Variants in MARCHF3 observed in about 807,000 individuals in gnomAD.
The protein encoded by MARCHF3 is E3 ubiquitin-protein ligase MARCHF3.
A neutral mutation model predicts 24.2 loss-of-function variants in MARCHF3; 13 were observed. The observed-to-expected ratio is 0.54, with a 90% confidence interval of 0.35 to 0.85. MARCHF3 has a LOEUF of 0.85. Among genes scored for constraint, MARCHF3 ranks in the 40% least tolerant of loss-of-function variants. The probability of loss-of-function intolerance (pLI) is 0.01; values close to 1 mark genes in which losing one functional copy is unlikely to be tolerated. For missense variants in MARCHF3, 276 were observed against 325.0 expected (o/e 0.85, Z 1.16); for synonymous variants, 144 against 137.3 (o/e 1.05, Z -0.34).
At chr5:126,979,484 AG>A (rs1751315453) in intron 1 of MARCHF3, among the ~76,000 whole-genome samples, 1 of 152,234 alleles carries the variant, frequency 6.6e-6, no homozygotes, top group Non-Finnish European at 1.5e-5. Context: ...AATCTTGTTA[AG>A]GGAATGAATG....
chr5:126,995,353 G>A (rs1751916083), intron 1 of MARCHF3, among the ~76,000 whole-genome samples: 2 of 152,168 alleles, frequency 1.3e-5, no homozygotes, highest in Non-Finnish European at 2.9e-5. Context: ...TGACATTAAG[G>A]TGCTGTTTAT....
intron 3 of MARCHF3, among the ~76,000 whole-genome samples, chr5:126,889,620 A>G (rs1341283067): frequency 6.6e-6 from 1 of 152,188 alleles, no homozygotes; most frequent in African/African-American, 2.4e-5. Context: ...TCTTCCAAAT[A>G]GAAGGACCAT....
At chr5:127,001,450 A>G (rs1752124850) in intron 1 of MARCHF3, among the ~76,000 whole-genome samples, 1 of 152,230 alleles carries the variant, frequency 6.6e-6, no homozygotes, top group Non-Finnish European at 1.5e-5. Context: ...ACAACAGAAC[A>G]TAATATGGTC....
intron 1 of MARCHF3, among the ~76,000 whole-genome samples, chr5:126,930,805 A>G (rs947825420): frequency 1.3e-5 from 2 of 152,250 alleles, no homozygotes; most frequent in African/African-American, 4.8e-5. Flanking sequence ...ACAGTGGCTG[A>G]CAAGTGTCTC....
intron 1 of MARCHF3, among the ~76,000 whole-genome samples, chr5:126,954,571 A>G (rs1192312770): frequency 1.3e-5 from 2 of 149,762 alleles, no homozygotes; most frequent in African/African-American, 2.5e-5. Flanking sequence ...GGGTCTCCCT[A>G]TGTTGCCCAG....
chr5:126,897,754 A>G (rs560049414), intron 3 of MARCHF3, among the ~76,000 whole-genome samples: 2 of 151,842 alleles, frequency 1.3e-5, no homozygotes, highest in South Asian at 2.1e-4. Context: ...CACCCAGAAC[A>G]GTGCACAGGG....
At chr5:126,973,466 G>T (rs1219743094) in intron 1 of MARCHF3, among the ~76,000 whole-genome samples, 1 of 152,366 alleles carries the variant, frequency 6.6e-6, no homozygotes, top group African/African-American at 2.4e-5. Flanking sequence ...ACCTGTAGGG[G>T]AGGCGCCTGC....
At chr5:126,994,968 G>A (rs990630642) in intron 1 of MARCHF3, among the ~76,000 whole-genome samples, 1 of 152,260 alleles carries the variant, frequency 6.6e-6, no homozygotes, top group African/African-American at 2.4e-5. Context: ...GAAAGATGAA[G>A]ACTGGAAGAC....
intron 3 of MARCHF3, among the ~76,000 whole-genome samples, chr5:126,881,567 A>T: frequency 6.6e-6 from 1 of 152,242 alleles, no homozygotes; most frequent in Non-Finnish European, 1.5e-5. Flanking sequence ...AGAATACCAT[A>T]CATTAATAGC....
chr5:126,927,631 T>C (rs1223983824), intron 1 of MARCHF3, among the ~76,000 whole-genome samples: 1 of 152,182 alleles, frequency 6.6e-6, no homozygotes, highest in Non-Finnish European at 1.5e-5. Context: ...TCTGGACTTT[T>C]TCAGTGGGAG....
chr5:126,983,202 G>A (rs1322110556), intron 1 of MARCHF3, among the ~76,000 whole-genome samples: 1 of 152,226 alleles, frequency 6.6e-6, no homozygotes, highest in Admixed American at 6.5e-5. Context: ...GGTCCCAGAA[G>A]GGAGTTGGCT....
At chr5:126,911,658 C>T (rs1328316402) in intron 3 of MARCHF3, among the ~76,000 whole-genome samples, 1 of 152,090 alleles carries the variant, frequency 6.6e-6, no homozygotes, top group African/African-American at 2.4e-5. Flanking sequence ...TACTGGCTTA[C>T]CTTGCACCAA....
chr5:126,878,148 C>G, intron 4 of MARCHF3, 37 bp downstream of exon 4: 1 of 1,602,002 alleles, frequency 6.2e-7, no homozygotes, highest in Non-Finnish European at 8.5e-7. Context: ...GCTGCCAGCT[C>G]CAAATGGCCT....
intron 3 of MARCHF3, among the ~76,000 whole-genome samples, chr5:126,878,680 G>A (rs1753252592): frequency 6.6e-6 from 1 of 152,210 alleles, no homozygotes; most frequent in Non-Finnish European, 1.5e-5. Flanking sequence ...ATGATCCCAT[G>A]TGGAAGGAAG....
At chr5:126,897,227 C>G (rs543646377) in intron 3 of MARCHF3, among the ~76,000 whole-genome samples, 4 of 151,488 alleles carry the variant, frequency 2.6e-5, no homozygotes, top group Non-Finnish European at 5.9e-5. Flanking sequence ...TTAGTAGAGA[C>G]GGAGTTTCTC....
intron 1 of MARCHF3, among the ~76,000 whole-genome samples, chr5:126,944,358 G>A (rs983626792): frequency 6.6e-6 from 1 of 152,110 alleles, no homozygotes; most frequent in East Asian, 1.9e-4. Flanking sequence ...AGTACTTTGG[G>A]AGGGTGAAGT....
At chr5:126,917,162 AG>A (rs1748890203) in intron 2 of MARCHF3, among the ~76,000 whole-genome samples, 1 of 152,194 alleles carries the variant, frequency 6.6e-6, no homozygotes, top group South Asian at 2.1e-4. Flanking sequence ...CACTGACACT[AG>A]GGGGCAAATC....
intron 3 of MARCHF3, among the ~76,000 whole-genome samples, chr5:126,908,726 A>AT (rs1754395804): frequency 1.3e-5 from 2 of 149,392 alleles, no homozygotes; most frequent in Non-Finnish European, 2.9e-5. Context: ...ATTCTTCTAA[A>AT]GTTTTTTCAA....
intron 1 of MARCHF3, among the ~76,000 whole-genome samples, chr5:126,933,742 C>G (rs1013780325): frequency 6.6e-6 from 1 of 152,158 alleles, no homozygotes; most frequent in East Asian, 1.9e-4. Context: ...CTGCACCCAG[C>G]CTCTCTTTGG....
Sources: gnomAD v4.1 joint callset for allele counts (sites outside exome capture counted in the v4.1 genomes callset) on GRCh38, gnomAD v4.1.1 for gene constraint, MANE v1.5 for transcripts, NCBI Gene and HGNC (gene_info 2026-07-23, HGNC 2026-07-21) for gene names.